Variants in PHLPP2 observed in about 807,000 individuals in gnomAD.
PHLPP2 encodes the protein PH domain leucine-rich repeat-containing protein phosphatase 2.
Under a neutral mutation model 124.9 loss-of-function variants are expected in PHLPP2, and 66 were observed. That is an observed-to-expected ratio of 0.53 (90% CI 0.43 to 0.65). PHLPP2 has a LOEUF of 0.65. Among genes scored for constraint, PHLPP2 ranks in the 30% least tolerant of loss-of-function variants. The pLI is 0.00. For synonymous variants in PHLPP2, 681 were observed against 624.7 expected (o/e 1.09, Z -1.34); for missense variants, 1,685 against 1,600.4 (o/e 1.05, Z -0.90).
intron 1 of PHLPP2, among the ~76,000 whole-genome samples, chr16:71,718,812 T>C (rs2045380150): frequency 6.6e-6 from 1 of 152,226 alleles, no homozygotes; most frequent in Non-Finnish European, 1.5e-5. Context: ...CATTCCGCCC[T>C]AAGAAGATAA....
intron 12 of PHLPP2, among the ~76,000 whole-genome samples, chr16:71,665,912 T>C (rs2044835895): frequency 6.6e-6 from 1 of 152,234 alleles, no homozygotes; most frequent in South Asian, 2.1e-4. Flanking sequence ...TCAACTGTAT[T>C]ATACATTAAG....
intron 3 of PHLPP2, among the ~76,000 whole-genome samples, chr16:71,700,645 C>T (rs1041264570): frequency 6.6e-6 from 1 of 151,324 alleles, no homozygotes; most frequent in Non-Finnish European, 1.5e-5. Flanking sequence ...CCTGCCTCAG[C>T]CTTCCCAGTA....
intron 10 of PHLPP2, 87 bp from the exon 11 acceptor site, chr16:71,669,457 C>A: frequency 1.1e-6 from 1 of 945,026 alleles, no homozygotes. Flanking sequence ...ATTAACCAGC[C>A]TGTGAGCCCT....
At chr16:71,704,562 C>G (rs1056445042) in intron 2 of PHLPP2, among the ~76,000 whole-genome samples, 3 of 152,088 alleles carry the variant, frequency 2.0e-5, no homozygotes, top group Non-Finnish European at 4.4e-5. Context: ...CCTGGCCTCT[C>G]CTGACTGCTC....
Position 71,714,621 on chromosome 16 carries a change from A to C in PHLPP2, c.175T>G (p.Ser59Ala). 6.2e-7 allele frequency: 1 copy of C among 1,613,984 alleles called. No individual in the cohort carries two copies. Among genetic ancestry groups the C allele is most frequent in the Non-Finnish European group, 8.5e-7 (1 of 1,179,908 alleles). Residue 59 changes from serine (S) to alanine (A), a missense_variant, in exon 2 of 19, where the codon TCC (serine) becomes GCC (alanine). Transcript: ENST00000568954. Reference protein sequence around the residue: ...TSSSSSSSSSSSDLHLVLCTV... With the variant: ...TSSSSSSSSSASDLHLVLCTV... Reference sequence around the variant, plus strand: ...CAAAGGACGAGATGTAAGTCAGAGGAAGAGGAGGAGGAGGAAGAGGAAGAG... The same window carrying C: ...CAAAGGACGAGATGTAAGTCAGAGGCAGAGGAGGAGGAGGAAGAGGAAGAG...
At chr16:71,702,799 G>GTAGTTT (rs1555548227) in intron 2 of PHLPP2, 68 bp from the exon 3 acceptor site, 9 of 913,566 alleles carry the variant, frequency 9.9e-6, no homozygotes, top group Non-Finnish European at 1.5e-5. Flanking sequence ...TAATTTTTTA[G>GTAGTTT]TATTTTTATT....
At position 71,690,613 on chromosome 16, in the gene PHLPP2, C is replaced by T. The variant is rs530287179; in HGVS notation, c.515G>A (p.Arg172His). 14 of 1,611,408 alleles carry T rather than the reference C, an allele frequency of 8.7e-6. No homozygotes were observed. The highest frequency in any genetic ancestry group is 1.3e-5 in the African/African-American group (1 of 74,870). The change falls in exon 4 of 19, where the codon CGC becomes CAC. Residue 172 changes from arginine (R) to histidine (H), a missense_variant. Coordinates refer to ENST00000568954, the MANE Select transcript of PHLPP2 (RefSeq NM_015020.3). ...GKTQLHKWAE[R>H]LVVLCGTCLI... The stretch of plus-strand genomic sequence containing the variant: ...GCAGGTACCACAGAGGACAACTAGG[C>T]GCTCAGCCCACTTATGCAGCTGGGT...
At chr16:71,684,209 T>A (rs943172240) in intron 5 of PHLPP2, among the ~76,000 whole-genome samples, 1 of 143,832 alleles carries the variant, frequency 7.0e-6, no homozygotes. Context: ...CACTGCAACC[T>A]CTACCTCCCG....
intron 5 of PHLPP2, 58 bp downstream of exon 5, chr16:71,684,418 G>A (rs1231210577): frequency 2.9e-5 from 45 of 1,578,348 alleles, no homozygotes; most frequent in East Asian, 9.0e-5. Flanking sequence ...GAGCCACCAC[G>A]CCCGGCCTAG....
intron 11 of PHLPP2, among the ~76,000 whole-genome samples, chr16:71,667,577 G>A (rs1234760477): frequency 1.3e-5 from 2 of 152,112 alleles, no homozygotes; most frequent in East Asian, 1.9e-4. Flanking sequence ...ACAGCACAGA[G>A]GAGATCTATA....
intron 1 of PHLPP2, among the ~76,000 whole-genome samples, chr16:71,720,006 T>A (rs2045388472): frequency 7.8e-6 from 1 of 128,230 alleles, no homozygotes; most frequent in African/African-American, 2.9e-5. Flanking sequence ...AGTGTCGCTG[T>A]TGTCCAGGCT....
chr16:71,720,130 T>C (rs1348385020), intron 1 of PHLPP2, among the ~76,000 whole-genome samples: 3 of 151,668 alleles, frequency 2.0e-5, no homozygotes, highest in Non-Finnish European at 4.4e-5. Context: ...CCACCTCGCC[T>C]GGCTAATTTT....
In PHLPP2 at chr16:71,658,309, G is replaced by T. The variant is rs1225012699; in HGVS notation, c.2203C>A (p.Pro735Thr). 5.0e-6 allele frequency: 8 copies of T among 1,613,314 alleles called. No homozygotes were observed. The highest frequency in any genetic ancestry group is 3.3e-5 in the South Asian group (3 of 91,050). The change falls in exon 15 of 19, where the codon CCT (proline) becomes ACT (threonine). Residue 735 changes from proline (P) to threonine (T), a missense_variant. Coordinates refer to ENST00000568954, the MANE Select transcript of PHLPP2 (RefSeq NM_015020.3). ...AGGTCAAGGTCTTGTAATGTAGCAGGCAAAGCCTCTGGAATCAGGATTTCT... is the reference window on the plus strand; with the variant it reads ...AGGTCAAGGTCTTGTAATGTAGCAGTCAAAGCCTCTGGAATCAGGATTTCT... ...LTEILIPEAL[P>T]ATLQDLDLTG...
At chr16:71,691,166 T>A (rs2045107561) in intron 3 of PHLPP2, among the ~76,000 whole-genome samples, 1 of 152,118 alleles carries the variant, frequency 6.6e-6, no homozygotes, top group Non-Finnish European at 1.5e-5. Context: ...AAAAATTAAG[T>A]AAGATGGCCA....
chr16:71,706,047 T>C (rs1393056821), intron 2 of PHLPP2, among the ~76,000 whole-genome samples: 1 of 152,214 alleles, frequency 6.6e-6, no homozygotes, highest in African/African-American at 2.4e-5. Context: ...TTGTTAAATC[T>C]CTCACCAATC....
chr16:71,699,121 G>A (rs949835807), intron 3 of PHLPP2, among the ~76,000 whole-genome samples: 16 of 152,144 alleles, frequency 1.1e-4, no homozygotes, highest in Non-Finnish European at 1.9e-4. Context: ...GGTGGTTGGA[G>A]GAAAAAGGTG....
At chr16:71,721,918 T>C (rs947724274) in intron 1 of PHLPP2, among the ~76,000 whole-genome samples, 37 of 152,228 alleles carry the variant, frequency 2.4e-4, no homozygotes, top group African/African-American at 8.7e-4. Flanking sequence ...TAAGTTAGAC[T>C]GGCTTAGTTA....
At position 71,648,749 on chromosome 16, in the gene PHLPP2, C is replaced by T. The variant is rs1320998265; in HGVS notation, c.*141G>A. The T allele has an allele frequency of 1.3e-5, 9 of 669,220 alleles. No individual in the cohort carries two copies. The highest frequency in any genetic ancestry group is 2.7e-5 in the Admixed American group (1 of 37,664). The allele number at this position is 669,220 out of a possible 1,614,324, so 41.5% of individuals were successfully genotyped here. Reference sequence around the variant, plus strand: ...CCCCACCATTGCACTCCAGCCTGAGCGACTGAGCAAGACTCCGTCTCAAAA... The same window carrying T: ...CCCCACCATTGCACTCCAGCCTGAGTGACTGAGCAAGACTCCGTCTCAAAA... On this transcript the variant is annotated 3_prime_UTR_variant, in exon 19 of 19. Transcript: ENST00000568954.
At chr16:71,723,896 G>A (rs1244616113) in intron 1 of PHLPP2, 9 of 952,332 alleles carry the variant, frequency 9.5e-6, no homozygotes, top group African/African-American at 1.8e-5. Context: ...AGAGACGCCC[G>A]GCCCGCGCGA....
Sources: gnomAD v4.1 joint callset for allele counts (sites outside exome capture counted in the v4.1 genomes callset) on GRCh38, gnomAD v4.1.1 for gene constraint, MANE v1.5 for transcripts, NCBI Gene and HGNC (gene_info 2026-07-23, HGNC 2026-07-21) for gene names.